Variants in MINDY4 observed in about 807,000 individuals in gnomAD.
MINDY4 encodes probable ubiquitin carboxyl-terminal hydrolase MINDY-4.
MINDY4 carries 68 observed loss-of-function variants against 87.0 expected under a neutral mutation model. The ratio of observed to expected loss-of-function variants is 0.78; its 90% confidence interval spans 0.64 to 0.96. The LOEUF is 0.96. Among genes scored for constraint, MINDY4 ranks in the 40% least tolerant of loss-of-function variants. The pLI, the probability that MINDY4 is intolerant of heterozygous loss-of-function variation, is 0.00. For synonymous variants in MINDY4, 379 were observed against 363.2 expected, an observed-to-expected ratio of 1.04 and a Z score of -0.50; for missense variants, 919 against 928.2, an observed-to-expected ratio of 0.99 and a Z score of 0.13.
intron 6 of MINDY4, among the ~76,000 whole-genome samples, chr7:30,833,636 C>G (rs1788772340): frequency 6.6e-6 from 1 of 152,016 alleles, no homozygotes; most frequent in Non-Finnish European, 1.5e-5. Flanking sequence ...AGTCTTAACT[C>G]ATTTCAGCAT....
chr7:30,832,172 A>G (rs1281704102), intron 6 of MINDY4, among the ~76,000 whole-genome samples: 1 of 152,186 alleles, frequency 6.6e-6, no homozygotes, highest in Non-Finnish European at 1.5e-5. Context: ...CTGGGCCCCC[A>G]GCCTTCATTC....
chr7:30,867,748 G>A (rs1265752027), intron 13 of MINDY4, among the ~76,000 whole-genome samples: 1 of 152,220 alleles, frequency 6.6e-6, no homozygotes, highest in Admixed American at 6.5e-5. Flanking sequence ...TGGCAAGCAG[G>A]AGCTGGCCTG....
intron 12 of MINDY4, among the ~76,000 whole-genome samples, chr7:30,854,810 G>A (rs180809818): frequency 1.5e-3 from 221 of 152,282 alleles, no homozygotes; most frequent in African/African-American, 4.3e-3. Context: ...TAGGCAATGG[G>A]GCCTACCCTA....
intron 11 of MINDY4, 91 bp from the exon 12 acceptor site, chr7:30,853,303 T>C (rs1789472724): frequency 1.9e-6 from 2 of 1,069,328 alleles, no homozygotes; most frequent in African/African-American, 3.1e-5. Context: ...TTGGATTTTG[T>C]AGCTACTAAA....
chr7:30,795,874 C>T (rs1228850531), intron 5 of MINDY4, among the ~76,000 whole-genome samples: 1 of 152,180 alleles, frequency 6.6e-6, no homozygotes, highest in African/African-American at 2.4e-5. Context: ...TGCTTTTCCC[C>T]TTCCTGCTCC....
intron 5 of MINDY4, among the ~76,000 whole-genome samples, chr7:30,821,139 A>T (rs1351547106): frequency 6.6e-6 from 1 of 152,084 alleles, no homozygotes; most frequent in African/African-American, 2.4e-5. Context: ...CCTGTTTATT[A>T]TGTCTGGTGT....
chr7:30,824,431 A>C (rs959295039), intron 5 of MINDY4, among the ~76,000 whole-genome samples: 1 of 152,192 alleles, frequency 6.6e-6, no homozygotes, highest in Non-Finnish European at 1.5e-5. Flanking sequence ...AAATTTCAAC[A>C]TGAGTTTTAG....
At chr7:30,808,073 G>T (rs1051592914) in intron 5 of MINDY4, among the ~76,000 whole-genome samples, 12 of 152,216 alleles carry the variant, frequency 7.9e-5, no homozygotes, top group Non-Finnish European at 1.5e-4. Context: ...GGCCTGCCCT[G>T]TGGGGGACTC....
intron 5 of MINDY4, among the ~76,000 whole-genome samples, chr7:30,795,749 GA>G (rs1322501549): frequency 6.6e-6 from 1 of 152,202 alleles, no homozygotes; most frequent in African/African-American, 2.4e-5. Context: ...CTCTAGGGGA[GA>G]ATCTGTTTCT....
At chr7:30,855,655 G>A (rs1184844329) in intron 12 of MINDY4, among the ~76,000 whole-genome samples, 1 of 152,218 alleles carries the variant, frequency 6.6e-6, no homozygotes, top group African/African-American at 2.4e-5. Flanking sequence ...TCTATGAGAT[G>A]GAGCCTCCCC....
intron 1 of MINDY4, 60 bp from the exon 2 acceptor site, chr7:30,778,372 T>G (rs1422363465): frequency 8.2e-5 from 132 of 1,610,588 alleles, no homozygotes; most frequent in Non-Finnish European, 1.1e-4. Flanking sequence ...GCTTGTGCTT[T>G]ATGAGAACAG....
At chr7:30,868,954 C>G (rs1172856954) in intron 13 of MINDY4, among the ~76,000 whole-genome samples, 4 of 152,232 alleles carry the variant, frequency 2.6e-5, no homozygotes, top group Non-Finnish European at 5.9e-5. Context: ...CAAGCCTATT[C>G]TGTGAGTTTT....
At chr7:30,851,721 C>T (rs1022882006) in intron 10 of MINDY4, among the ~76,000 whole-genome samples, 1 of 152,176 alleles carries the variant, frequency 6.6e-6, no homozygotes, top group African/African-American at 2.4e-5. Context: ...GGTGGCTGGT[C>T]CAAGGCTACA....
At chr7:30,841,943 C>G (rs749259463) in intron 9 of MINDY4, among the ~76,000 whole-genome samples, 1 of 152,046 alleles carries the variant, frequency 6.6e-6, no homozygotes, top group Admixed American at 6.5e-5. Context: ...TAGGTGTTAC[C>G]CAGACAACAA....
chr7:30,779,392 G>A (rs1786932152), intron 2 of MINDY4: 1 of 152,176 alleles, frequency 6.6e-6, no homozygotes. Flanking sequence ...TTTTTAATTT[G>A]TTATGAAGAC....
chr7:30,844,419 C>T (rs957909832), intron 9 of MINDY4, among the ~76,000 whole-genome samples: 10 of 152,114 alleles, frequency 6.6e-5, no homozygotes, highest in African/African-American at 2.4e-4. Context: ...CACCAGATGC[C>T]CTCCCCAGCC....
intron 13 of MINDY4, among the ~76,000 whole-genome samples, chr7:30,871,599 C>A (rs1790107621): frequency 6.6e-6 from 1 of 152,168 alleles, no homozygotes; most frequent in African/African-American, 2.4e-5. Context: ...TAGGTTTTCA[C>A]CTTGCATCTT....
chr7:30,883,036 GC>G (rs1292920657), intron 17 of MINDY4, 43 bp downstream of exon 17: 1 of 1,589,936 alleles, frequency 6.3e-7, no homozygotes, highest in Non-Finnish European at 8.6e-7. Flanking sequence ...ACCCTGAATA[GC>G]TTTGAGGAGC....
intron 1 of MINDY4, among the ~76,000 whole-genome samples, chr7:30,772,443 T>C (rs540088776): frequency 6.6e-6 from 1 of 152,344 alleles, no homozygotes; most frequent in South Asian, 2.1e-4. Context: ...ACTCACTGTC[T>C]CAATTTCGTT....
Sources: gnomAD v4.1 joint callset for allele counts (sites outside exome capture counted in the v4.1 genomes callset) on GRCh38, gnomAD v4.1.1 for gene constraint, MANE v1.5 for transcripts, NCBI Gene and HGNC (gene_info 2026-07-23, HGNC 2026-07-21) for gene names.